The following MYO10 variants were observed in gnomAD, a reference collection of about 807,000 sequenced individuals.
The protein encoded by MYO10 is unconventional myosin-X.
MYO10 carries 133 observed loss-of-function variants against 257.3 expected under a neutral mutation model. That is an observed-to-expected ratio of 0.52 (90% CI 0.45 to 0.60). The LOEUF is 0.60. Ranked by LOEUF, MYO10 falls within the 20% of genes least tolerant of loss-of-function variation. MYO10 has a pLI of 0.00. For missense variants in MYO10, 2,399 were observed against 2,635.7 expected (o/e 0.91, Z 1.97); for synonymous variants, 1,104 against 1,028.6 (o/e 1.07, Z -1.40).
intron 4 of MYO10, among the ~76,000 whole-genome samples, chr5:16,788,465 C>T (rs1741656171): frequency 6.6e-6 from 1 of 152,134 alleles, no homozygotes; most frequent in Non-Finnish European, 1.5e-5. Context: ...TTCCAGATCT[C>T]AGGCTTGGGA....
intron 1 of MYO10, among the ~76,000 whole-genome samples, chr5:16,880,429 A>C (rs1445537981): frequency 1.3e-5 from 2 of 151,570 alleles, no homozygotes; most frequent in Middle Eastern, 3.4e-3. Context: ...CGACTCTCCT[A>C]GTATCCCCTA....
At chr5:16,923,761 T>TAAC (rs1294550553) in intron 1 of MYO10, among the ~76,000 whole-genome samples, 2 of 151,476 alleles carry the variant, frequency 1.3e-5, no homozygotes, top group African/African-American at 4.9e-5. Context: ...TGCCTAGGGT[T>TAAC]AACTCACAAG....
At chr5:16,907,515 GAAA>G (rs201467870) in intron 1 of MYO10, among the ~76,000 whole-genome samples, 1 of 151,486 alleles carries the variant, frequency 6.6e-6, no homozygotes, top group African/African-American at 2.4e-5. Flanking sequence ...TTGAAAAAAA[GAAA>G]AAAAAGGTTA....
At chr5:16,792,921 C>T (rs1741815216) in intron 4 of MYO10, among the ~76,000 whole-genome samples, 1 of 152,190 alleles carries the variant, frequency 6.6e-6, no homozygotes, top group African/African-American at 2.4e-5. Context: ...CTCCCTTTCC[C>T]ATTCCTCCTG....
chr5:16,824,894 A>C (rs1192036446), intron 2 of MYO10, among the ~76,000 whole-genome samples: 1 of 152,134 alleles, frequency 6.6e-6, no homozygotes, highest in Non-Finnish European at 1.5e-5. Flanking sequence ...CAAAACAAAA[A>C]AACTTTCAAA....
At chr5:16,882,721 T>C (rs1457081523) in intron 1 of MYO10, among the ~76,000 whole-genome samples, 2 of 151,976 alleles carry the variant, frequency 1.3e-5, no homozygotes, top group African/African-American at 4.8e-5. Context: ...ACACAGACAA[T>C]AGATGAATGG....
rs1554038579 is a variant in MYO10, at chr5:16,715,392, A to ATATTTT, written c.1930-4148_1930-4147insAAAATA. Among the ~76,000 whole-genome samples the ATATTTT allele has an allele frequency of 2.6e-3, 222 of 84,390 alleles. 4 individuals are homozygous for ATATTTT. Among genetic ancestry groups the ATATTTT allele is most frequent in the African/African-American group, 9.9e-3 (213 of 21,516 alleles). 55.4% of individuals were successfully genotyped at this position (84,390 alleles called of 152,430 possible). A position where few individuals can be genotyped will look rare whatever the true frequency, so the allele number is the denominator to read the frequency against. On this transcript the variant is annotated intron_variant, in intron 19 of 40. Transcript: ENST00000513610. ...ATGGCGATGGTGCCGTAAGATTGAA[A>ATATTTT]TTTTTTTTTTTTTTTTTTTTTTTTT...
At position 16,910,956 on chromosome 5, in the gene MYO10, TA is replaced by T. The variant is rs955821252; in HGVS notation, c.21+24831del. Among the ~76,000 whole-genome samples, 26 of 140,272 alleles carry T rather than the reference TA, an allele frequency of 1.9e-4. No individual in the cohort carries two copies. The Middle Eastern group carries it at 0.01, about 56-fold the overall frequency. The allele number at this position is 140,272 out of a possible 152,430, so 92.0% of individuals were successfully genotyped here. On this transcript the variant is annotated intron_variant, in intron 1 of 40. Coordinates refer to ENST00000513610, the MANE Select transcript of MYO10 (RefSeq NM_012334.3). ...TCCTCCAAACCTCACAGCTCTTAAA[TA>T]AAAAAAAAGACATTAAGTAAACGTT...
chr5:16,834,759 C>A (rs760598161), intron 2 of MYO10, among the ~76,000 whole-genome samples: 11 of 152,168 alleles, frequency 7.2e-5, no homozygotes, highest in Non-Finnish European at 1.3e-4. Flanking sequence ...CATATTCAAA[C>A]CAAATATGAA....
intron 17 of MYO10, among the ~76,000 whole-genome samples, chr5:16,760,217 C>T (rs972415326): frequency 2.0e-5 from 3 of 149,766 alleles, no homozygotes; most frequent in Non-Finnish European, 4.4e-5. Flanking sequence ...TTTGGGAGGC[C>T]GAGGTGGGCG....
At chr5:16,916,826 T>C (rs1745834950) in intron 1 of MYO10, among the ~76,000 whole-genome samples, 1 of 152,220 alleles carries the variant, frequency 6.6e-6, no homozygotes, top group Non-Finnish European at 1.5e-5. Context: ...ACGTACCCCA[T>C]TCAAAGAGGC....
intron 19 of MYO10, among the ~76,000 whole-genome samples, chr5:16,738,757 G>A (rs1359430045): frequency 6.6e-6 from 1 of 151,872 alleles, no homozygotes; most frequent in Non-Finnish European, 1.5e-5. Context: ...TGGGCGTGGT[G>A]GTGCACGCCT....
At chr5:16,852,183 G>C (rs1372731250) in intron 2 of MYO10, among the ~76,000 whole-genome samples, 1 of 150,520 alleles carries the variant, frequency 6.6e-6, no homozygotes, top group Non-Finnish European at 1.5e-5. Context: ...TAAAAAGACT[G>C]TGTATAACTT....
chr5:16,762,734 T>C (rs2126650876), intron 14 of MYO10, 97 bp from the exon 15 acceptor site: 1 of 844,992 alleles, frequency 1.2e-6, no homozygotes, highest in South Asian at 1.6e-5. Context: ...GAAGCCAAGA[T>C]GGGCAGATCA....
intron 6 of MYO10, among the ~76,000 whole-genome samples, chr5:16,781,228 C>T (rs907548831): frequency 6.6e-6 from 1 of 150,472 alleles, no homozygotes; most frequent in East Asian, 2.0e-4. Context: ...TACAGGCACA[C>T]GCCACCAAGC....
intron 2 of MYO10, among the ~76,000 whole-genome samples, chr5:16,836,355 T>C (rs1743312791): frequency 1.3e-5 from 2 of 152,142 alleles, no homozygotes; most frequent in Non-Finnish European, 2.9e-5. Flanking sequence ...CAGACAAAAA[T>C]AGTAAAAATT....
chr5:16,820,099 TAGA>T (rs1331834828), intron 2 of MYO10, among the ~76,000 whole-genome samples: 2 of 152,176 alleles, frequency 1.3e-5, no homozygotes, highest in Non-Finnish European at 2.9e-5. Context: ...GGGAGCAGGG[TAGA>T]AGTGCTTCGC....
chr5:16,869,020 CTTTGTTT>C (rs147960914), intron 2 of MYO10, among the ~76,000 whole-genome samples: 4,421 of 151,850 alleles, frequency 0.029, 109 homozygotes, highest in African/African-American at 0.075. Context: ...AATCCTACTG[CTTTGTTT>C]TTTGTTTTTT....
intron 1 of MYO10, among the ~76,000 whole-genome samples, chr5:16,921,943 A>G (rs249122): frequency 0.31 from 47,083 of 152,004 alleles, 7,557 homozygotes; most frequent in East Asian, 0.49. Flanking sequence ...GGCCGGGCAC[A>G]GCAGCTCCCA....
Sources: gnomAD v4.1 joint callset for allele counts (sites outside exome capture counted in the v4.1 genomes callset) on GRCh38, gnomAD v4.1.1 for gene constraint, MANE v1.5 for transcripts, NCBI Gene and HGNC (gene_info 2026-07-23, HGNC 2026-07-21) for gene names.